PCSK2: variants seen among roughly 807,000 people sequenced by gnomAD.
PCSK2 encodes proprotein convertase subtilisin/kexin type 2.
In PCSK2, 14 loss-of-function variants were observed where a neutral mutation model predicts 69.7. The ratio of observed to expected loss-of-function variants is 0.20; its 90% CI spans 0.13 to 0.31. The LOEUF (loss-of-function observed/expected upper bound fraction) is 0.31. Ranked by LOEUF, PCSK2 falls within the 10% of genes least tolerant of loss-of-function variation. PCSK2 has a pLI of 1.00. For missense variants in PCSK2, 544 were observed against 842.5 expected (o/e 0.65, Z 4.39); for synonymous variants, 307 against 320.7 (o/e 0.96, Z 0.46).
At chr20:17,293,797 C>T (rs1988775287) in intron 2 of PCSK2, among the ~76,000 whole-genome samples, 2 of 152,164 alleles carry the variant, frequency 1.3e-5, no homozygotes, top group Admixed American at 1.3e-4. Flanking sequence ...TGGCAGCCTT[C>T]TTCTCAGGAA....
chr20:17,392,891 C>A (rs1054548816), intron 5 of PCSK2, among the ~76,000 whole-genome samples: 1 of 152,148 alleles, frequency 6.6e-6, no homozygotes, highest in East Asian at 1.9e-4. Context: ...CATCTACACA[C>A]AGATTTTTGT....
At chr20:17,431,271 G>A (rs1024027449) in intron 7 of PCSK2, among the ~76,000 whole-genome samples, 1 of 152,164 alleles carries the variant, frequency 6.6e-6, no homozygotes, top group African/African-American at 2.4e-5. Context: ...ATGTGAGGAG[G>A]CTGCGGCATT....
intron 2 of PCSK2, among the ~76,000 whole-genome samples, chr20:17,342,216 A>G (rs1028388086): frequency 2.6e-5 from 4 of 152,214 alleles, no homozygotes; most frequent in African/African-American, 9.7e-5. Flanking sequence ...AGTTCTTCCC[A>G]CACATTCCAA....
chr20:17,281,521 T>C (rs1450125220), intron 2 of PCSK2, among the ~76,000 whole-genome samples: 2 of 152,244 alleles, frequency 1.3e-5, no homozygotes, highest in African/African-American at 4.8e-5. Flanking sequence ...TCAGCTATTG[T>C]ATCAGTTCAG....
At chr20:17,240,073 C>T (rs543583258) in intron 1 of PCSK2, among the ~76,000 whole-genome samples, 3 of 151,736 alleles carry the variant, frequency 2.0e-5, no homozygotes, top group South Asian at 2.1e-4. Context: ...AGGATGGTCT[C>T]GATCTCCTGA....
intron 8 of PCSK2, among the ~76,000 whole-genome samples, chr20:17,448,199 C>T (rs1309759880): frequency 1.3e-5 from 2 of 152,192 alleles, no homozygotes; most frequent in Non-Finnish European, 2.9e-5. Context: ...CAGGGGTCTG[C>T]ACCCTGCACC....
chr20:17,379,151 G>C (rs1432417005), intron 5 of PCSK2, among the ~76,000 whole-genome samples: 1 of 152,164 alleles, frequency 6.6e-6, no homozygotes, highest in Non-Finnish European at 1.5e-5. Flanking sequence ...CACAGTTCTG[G>C]GTGTCTAAGG....
chr20:17,452,257 A>ATGG (rs72533966), intron 8 of PCSK2, among the ~76,000 whole-genome samples: 1,047 of 2,838 alleles, frequency 0.37, 15 homozygotes, highest in Middle Eastern at 0.5. Context: ...AACTGTAGGG[A>ATGG]TATCTATTTC....
At chr20:17,464,969 T>C (rs2033074926) in intron 10 of PCSK2, 1 of 306,274 alleles carries the variant, frequency 3.3e-6, no homozygotes, top group Admixed American at 4.2e-5. Flanking sequence ...TTTTCCAGTT[T>C]AGTTGGAATT....
intron 2 of PCSK2, among the ~76,000 whole-genome samples, chr20:17,272,680 T>C (rs1269527917): frequency 6.6e-6 from 1 of 152,088 alleles, no homozygotes; most frequent in African/African-American, 2.4e-5. Context: ...GCCAGGATGA[T>C]ATGAATCTAT....
At chr20:17,278,261 A>C (rs980773050) in intron 2 of PCSK2, among the ~76,000 whole-genome samples, 3 of 152,244 alleles carry the variant, frequency 2.0e-5, no homozygotes, top group African/African-American at 7.2e-5. Context: ...CTGTAAAGAC[A>C]CATGCACACG....
At chr20:17,327,959 G>T (rs980734322) in intron 2 of PCSK2, among the ~76,000 whole-genome samples, 1 of 152,174 alleles carries the variant, frequency 6.6e-6, no homozygotes, top group Non-Finnish European at 1.5e-5. Context: ...CGATGCCCAT[G>T]TTGAGAAGAA....
intron 5 of PCSK2, among the ~76,000 whole-genome samples, chr20:17,399,750 T>G (rs2031593289): frequency 6.6e-6 from 1 of 152,186 alleles, no homozygotes; most frequent in African/African-American, 2.4e-5. Context: ...AGTCAATGAT[T>G]GTCAAGCTGT....
chr20:17,232,010 C>A (rs997507599), intron 1 of PCSK2, among the ~76,000 whole-genome samples: 4 of 152,178 alleles, frequency 2.6e-5, no homozygotes, highest in Non-Finnish European at 2.9e-5. Flanking sequence ...TTCAAGCCCA[C>A]CAGGATTGTT....
chr20:17,253,509 G>T (rs1285928200), intron 1 of PCSK2, among the ~76,000 whole-genome samples: 1 of 152,066 alleles, frequency 6.6e-6, no homozygotes, highest in African/African-American at 2.4e-5. Flanking sequence ...AGTTTTCAAG[G>T]TTCTTCCGTG....
At chr20:17,405,753 A>C (rs1291586920) in intron 5 of PCSK2, among the ~76,000 whole-genome samples, 1 of 152,212 alleles carries the variant, frequency 6.6e-6, no homozygotes, top group Non-Finnish European at 1.5e-5. Flanking sequence ...ATTAAGCCTT[A>C]GAATTATTAT....
At chr20:17,447,799 TATG>T (rs1247982237) in intron 8 of PCSK2, among the ~76,000 whole-genome samples, 1 of 152,112 alleles carries the variant, frequency 6.6e-6, no homozygotes, top group Non-Finnish European at 1.5e-5. Context: ...AATAAAAAAT[TATG>T]GTGTAGAAGA....
At chr20:17,437,079 A>G (rs2032498558) in intron 8 of PCSK2, among the ~76,000 whole-genome samples, 196 bp downstream of exon 8, 1 of 152,168 alleles carries the variant, frequency 6.6e-6, no homozygotes, top group African/African-American at 2.4e-5. Flanking sequence ...AGAGGGCAGA[A>G]AAGCCTCAGA....
At chr20:17,347,806 A>AAGAG (rs1990692488) in intron 2 of PCSK2, among the ~76,000 whole-genome samples, 1 of 127,742 alleles carries the variant, frequency 7.8e-6, no homozygotes, top group South Asian at 2.7e-4. Context: ...GAAAGAAAGA[A>AAGAG]AGAAAGAAAG....
Sources: allele counts gnomAD v4.1 joint callset (sites outside exome capture counted in the v4.1 genomes callset), GRCh38; gene constraint gnomAD v4.1.1; transcripts MANE v1.5; gene names NCBI Gene and HGNC (gene_info 2026-07-23, HGNC 2026-07-21).